PLCB1: variants seen among roughly 807,000 people sequenced by gnomAD.
PLCB1 encodes 1-phosphatidylinositol 4,5-bisphosphate phosphodiesterase beta-1.
Under a neutral mutation model 161.8 loss-of-function variants are expected in PLCB1, and 46 were observed. That is an observed-to-expected ratio of 0.28 (90% CI 0.22 to 0.36). PLCB1 has a LOEUF of 0.36. Among genes scored for constraint, PLCB1 ranks in the 10% least tolerant of loss-of-function variants. The probability of loss-of-function intolerance (pLI) is 1.00; values close to 1 mark genes in which losing one functional copy is unlikely to be tolerated. For missense variants in PLCB1, 1,016 were observed against 1,472.5 expected (o/e 0.69, Z 5.07); for synonymous variants, 517 against 503.7 (o/e 1.03, Z -0.35).
intron 3 of PLCB1, among the ~76,000 whole-genome samples, chr20:8,482,539 A>G (rs895063592): frequency 6.6e-6 from 1 of 152,212 alleles, no homozygotes; most frequent in Admixed American, 6.5e-5. Context: ...TTTGTATAAC[A>G]TTCTATAGTC....
intron 11 of PLCB1, among the ~76,000 whole-genome samples, chr20:8,708,162 A>G (rs971675450): frequency 4.6e-5 from 7 of 152,156 alleles, no homozygotes; most frequent in Admixed American, 3.3e-4. Flanking sequence ...TACACTTTCA[A>G]TGGGCAGATT....
intron 2 of PLCB1, among the ~76,000 whole-genome samples, chr20:8,160,716 A>T (rs2051613747): frequency 6.6e-6 from 1 of 152,212 alleles, no homozygotes; most frequent in Non-Finnish European, 1.5e-5. Context: ...GTGGGGACAC[A>T]GCCAAACCTA....
chr20:8,560,949 T>G (rs1986121794), intron 3 of PLCB1, among the ~76,000 whole-genome samples: 1 of 151,964 alleles, frequency 6.6e-6, no homozygotes, highest in South Asian at 2.1e-4. Flanking sequence ...AAACTTGATC[T>G]CAGCAGGATA....
intron 23 of PLCB1, among the ~76,000 whole-genome samples, chr20:8,752,854 A>G (rs1359374840): frequency 6.6e-6 from 1 of 151,938 alleles, no homozygotes; most frequent in Non-Finnish European, 1.5e-5. Flanking sequence ...AGTCACATGT[A>G]TATGTTATAG....
At chr20:8,523,486 CTCTCTCTCTCTATATATATA>C (rs769806125) in intron 3 of PLCB1, among the ~76,000 whole-genome samples, 4 of 61,166 alleles carry the variant, frequency 6.5e-5, no homozygotes, top group African/African-American at 9.0e-5. Context: ...CTCTCTCTCT[CTCTCTCTCTCTATATATATA>C]TATATATATA....
intron 3 of PLCB1, among the ~76,000 whole-genome samples, chr20:8,571,488 AAAT>A (rs1986515452): frequency 6.6e-6 from 1 of 152,214 alleles, no homozygotes; most frequent in African/African-American, 2.4e-5. Flanking sequence ...TCTCAAAAAA[AAAT>A]AATAAATAAA....
At chr20:8,490,876 A>ACACATATCTATATGTACACATATATATG (rs1982917335) in intron 3 of PLCB1, among the ~76,000 whole-genome samples, 3 of 143,478 alleles carry the variant, frequency 2.1e-5, no homozygotes, top group Admixed American at 7.0e-5. Flanking sequence ...ATATATATAT[A>ACACATATCTATATGTACACATATATATG]TGTACACATA....
At chr20:8,734,146 A>G (rs939070449) in intron 19 of PLCB1, among the ~76,000 whole-genome samples, 1 of 149,364 alleles carries the variant, frequency 6.7e-6, no homozygotes, top group African/African-American at 2.4e-5. Flanking sequence ...AAAAAAAAAA[A>G]AAAAAAAAAA....
At chr20:8,615,818 C>CAT (rs1988027186) in intron 3 of PLCB1, among the ~76,000 whole-genome samples, 3 of 151,700 alleles carry the variant, frequency 2.0e-5, no homozygotes, top group Admixed American at 2.0e-4. Context: ...TGTTCTATAC[C>CAT]ATACCCTGGT....
At chr20:8,590,584 G>T (rs1411777389) in intron 3 of PLCB1, among the ~76,000 whole-genome samples, 2 of 152,022 alleles carry the variant, frequency 1.3e-5, no homozygotes, top group African/African-American at 4.8e-5. Context: ...AGGTTACTTG[G>T]CTAAGATCAA....
At chr20:8,600,937 C>T (rs1438007446) in intron 3 of PLCB1, among the ~76,000 whole-genome samples, 1 of 152,180 alleles carries the variant, frequency 6.6e-6, no homozygotes, top group African/African-American at 2.4e-5. Flanking sequence ...CCAAGTGAGG[C>T]AATGCCTCGC....
At chr20:8,458,127 A>G (rs1320829492) in intron 3 of PLCB1, among the ~76,000 whole-genome samples, 1 of 152,170 alleles carries the variant, frequency 6.6e-6, no homozygotes, top group Non-Finnish European at 1.5e-5. Context: ...TTTGGGAAGC[A>G]GATCTTGCTT....
At chr20:8,337,025 C>A (rs571682784) in intron 2 of PLCB1, among the ~76,000 whole-genome samples, 1 of 151,930 alleles carries the variant, frequency 6.6e-6, no homozygotes, top group African/African-American at 2.4e-5. Context: ...TAATTCAGTT[C>A]CCATAGTAAT....
At chr20:8,587,182 AT>A (rs67598661) in intron 3 of PLCB1, among the ~76,000 whole-genome samples, 9 of 94,890 alleles carry the variant, frequency 9.5e-5, no homozygotes, top group African/African-American at 3.5e-4. Context: ...ATTAAAAAAT[AT>A]ATATATATAT....
intron 31 of PLCB1, among the ~76,000 whole-genome samples, chr20:8,871,122 G>T (rs937934040): frequency 5.9e-5 from 9 of 152,216 alleles, no homozygotes; most frequent in Admixed American, 5.9e-4. Context: ...CATAGATTAT[G>T]AAAACAGAGT....
At chr20:8,853,589 T>C (rs868224527) in intron 31 of PLCB1, among the ~76,000 whole-genome samples, 2 of 152,232 alleles carry the variant, frequency 1.3e-5, no homozygotes, top group Non-Finnish European at 2.9e-5. Flanking sequence ...CATTCCACTG[T>C]TGATGGACAT....
chr20:8,522,258 C>T (rs59084416), intron 3 of PLCB1, among the ~76,000 whole-genome samples: 17,872 of 152,006 alleles, frequency 0.12, 1,189 homozygotes, highest in African/African-American at 0.18. Context: ...CCCTTACAAG[C>T]GTTTCCTGAG....
chr20:8,360,932 T>C (rs558813245), intron 2 of PLCB1, among the ~76,000 whole-genome samples: 1 of 152,296 alleles, frequency 6.6e-6, no homozygotes, highest in African/African-American at 2.4e-5. Context: ...AATGAGACTA[T>C]CCAGATGGAT....
intron 2 of PLCB1, among the ~76,000 whole-genome samples, chr20:8,251,889 T>C (rs1981164038): frequency 1.3e-5 from 2 of 151,866 alleles, no homozygotes; most frequent in South Asian, 4.1e-4. Context: ...ATGAAAGATA[T>C]TTTTTGCCAT....
Sources: gnomAD v4.1 joint callset for allele counts (sites outside exome capture counted in the v4.1 genomes callset) on GRCh38, gnomAD v4.1.1 for gene constraint, MANE v1.5 for transcripts, NCBI Gene and HGNC (gene_info 2026-07-23, HGNC 2026-07-21) for gene names.